Variants in PLPP7 observed in about 807,000 individuals in gnomAD.
PLPP7 encodes the protein inactive phospholipid phosphatase 7.
Under a neutral mutation model 16.9 loss-of-function variants are expected in PLPP7, and 11 were observed. The observed-to-expected ratio is 0.65, with a 90% CI of 0.41 to 1.08. PLPP7 has a LOEUF of 1.08. PLPP7 is among the 50% of genes least tolerant of loss of function. The pLI, the probability that PLPP7 is intolerant of heterozygous loss-of-function variation, is 0.00. For missense variants in PLPP7, 358 were observed against 397.1 expected (o/e 0.90, Z 0.84); for synonymous variants, 174 against 175.1 (o/e 0.99, Z 0.05).
rs1306894883 is a variant in PLPP7 at position 131,308,310 on chromosome 9, C to T, written c.*23C>T. 1 of 1,569,454 alleles carries T rather than the reference C, an allele frequency of 6.4e-7. No homozygotes were observed. The highest frequency in any genetic ancestry group is 1.2e-5 in the South Asian group (1 of 86,060). ...TGAAGCGCCCGCCGGCCCACACAAG[C>T]CTCTGGGGGCAGGGCTGGCCCTAGA... On this transcript the variant is annotated 3_prime_UTR_variant, in exon 2 of 2. Coordinates refer to ENST00000372264, the MANE Select transcript of PLPP7 (RefSeq NM_032728.4).
At chr9:131,299,008 C>T (rs1348223388) in intron 1 of PLPP7, among the ~76,000 whole-genome samples, 1 of 151,836 alleles carries the variant, frequency 6.6e-6, no homozygotes, top group African/African-American at 2.4e-5. Flanking sequence ...TGGACAAGCC[C>T]TGGTGTCCTC....
rs1439242927 is a variant in PLPP7, at chr9:131,295,795, A to G, written c.451+5347A>G. ...GCTGGCTGATTTCATTTAGCATGATATCCTCGAGGTCCATCCATGCTGTAG... is the reference window on the plus strand; with the variant it reads ...GCTGGCTGATTTCATTTAGCATGATGTCCTCGAGGTCCATCCATGCTGTAG... On this transcript the variant is annotated intron_variant, in intron 1 of 1. Coordinates refer to ENST00000372264, the MANE Select transcript of PLPP7 (RefSeq NM_032728.4). The surrounding 1 kb of genome is among the most constrained non-coding windows in gnomAD (Gnocchi z 4.0). Among the ~76,000 whole-genome samples, 3 of 152,026 alleles carry G rather than the reference A, an allele frequency of 2.0e-5. No homozygotes were observed. The highest frequency in any genetic ancestry group is 7.3e-5 in the African/African-American group (3 of 41,362).
rs2131217947 is a variant in PLPP7, at chr9:131,300,626, G to C, written c.452-7297G>C. Among the ~76,000 whole-genome samples the C allele has an allele frequency of 2.8e-5, 4 of 141,132 alleles. No individual in the cohort carries two copies. The Admixed American group carries it at 3.1e-4, about 11-fold the overall frequency. The allele number at this position is 141,132 out of a possible 152,430, so 92.6% of individuals were successfully genotyped here. A position where few individuals can be genotyped will look rare whatever the true frequency, so the allele number is the denominator to read the frequency against. On this transcript the variant is annotated intron_variant, in intron 1 of 1. Transcript: ENST00000372264. The stretch of plus-strand genomic sequence containing the variant: ...GAGCCCAAAAGTTCAAGGCTGCAAT[G>C]AACCATGTTTGCACCACTGTACTCC...
chr9:131,306,110 G>A (rs1267771751), intron 1 of PLPP7, among the ~76,000 whole-genome samples: 2 of 152,056 alleles, frequency 1.3e-5, no homozygotes, highest in Admixed American at 6.5e-5. Context: ...AGTGGCAGGC[G>A]CCTGTAGTCC....
intron 1 of PLPP7, among the ~76,000 whole-genome samples, chr9:131,297,544 C>A (rs1395840577): frequency 6.6e-6 from 1 of 152,132 alleles, no homozygotes; most frequent in Non-Finnish European, 1.5e-5. Context: ...TGCCACCACA[C>A]CTGGCTAATT....
chr9:131,303,357 C>T, intron 1 of PLPP7, among the ~76,000 whole-genome samples: 1 of 140,818 alleles, frequency 7.1e-6, no homozygotes, highest in South Asian at 2.3e-4. Flanking sequence ...AAAAAAAAAG[C>T]TGTGCTCTAT....
Position 131,290,084 on chromosome 9 carries a change from C to G in PLPP7, c.87C>G (p.Pro29=), listed in dbSNP as rs752753459. ...AGTTCCTGTCCCTGAACCAGCCCCC[C>G]AAGGGGGGCCCGGAGCCCCGCAGCT... The part of the protein sequence containing the change: ...RAEFLSLNQP[P]KGGPEPRSSG... Residue 29 remains proline (P), a synonymous_variant, in exon 1 of 2, where the codon CCC becomes CCG. Coordinates refer to ENST00000372264, the MANE Select transcript of PLPP7 (RefSeq NM_032728.4). The surrounding 1 kb of genome is among the most constrained non-coding windows in gnomAD (Gnocchi z 4.2). 1 of 1,510,478 alleles carries G rather than the reference C, an allele frequency of 6.6e-7. No individual in the cohort carries two copies. The highest frequency in any genetic ancestry group is 8.8e-7 in the Non-Finnish European group (1 of 1,130,770). The allele number at this position is 1,510,478 out of a possible 1,614,324, so 93.6% of individuals were successfully genotyped here.
intron 1 of PLPP7, among the ~76,000 whole-genome samples, chr9:131,292,632 C>A (rs1005372991): frequency 6.6e-6 from 1 of 152,164 alleles, no homozygotes; most frequent in Non-Finnish European, 1.5e-5. Context: ...AAGCTTCCAG[C>A]AGGGGGAGGA....
chr9:131,301,261 G>A (rs568780442), intron 1 of PLPP7, among the ~76,000 whole-genome samples: 23 of 152,122 alleles, frequency 1.5e-4, no homozygotes, highest in Non-Finnish European at 8.8e-5. Flanking sequence ...GAGCCACCGC[G>A]CTGGCCTCGA....
At chr9:131,299,622 C>T (rs1478531517) in intron 1 of PLPP7, among the ~76,000 whole-genome samples, 1 of 152,170 alleles carries the variant, frequency 6.6e-6, no homozygotes, top group Non-Finnish European at 1.5e-5. Context: ...GCCACTGCCT[C>T]TTCCATTCAC....
intron 1 of PLPP7, among the ~76,000 whole-genome samples, chr9:131,299,542 G>C (rs1010048582): frequency 6.6e-6 from 1 of 152,224 alleles, no homozygotes; most frequent in Non-Finnish European, 1.5e-5. Flanking sequence ...AGGGCAGAGT[G>C]GGGTGGGAGG....
chr9:131,290,156 T>A lies in PLPP7; in HGVS notation c.159T>A (p.Gly53=), dbSNP rs371436934. The part of the protein sequence containing the change: ...SGPSAQPPPA[G]DGARERRQSQ... ...CATCAGCACAGCCCCCACCTGCTGG[T>A]GACGGGGCCAGAGAGCGACGCCAGT... is the stretch of plus-strand genomic sequence containing the variant. The change falls in exon 1 of 2, where the codon GGT becomes GGA. Residue 53 remains glycine, a synonymous_variant. Transcript: ENST00000372264. The surrounding 1 kb of genome is among the most constrained non-coding windows in gnomAD (Gnocchi z 4.2). 1.9e-6 allele frequency: 3 copies of A among 1,576,114 alleles called. No homozygotes were observed. Among genetic ancestry groups the A allele is most frequent in the African/African-American group, 1.3e-5 (1 of 74,102 alleles).
intron 1 of PLPP7, among the ~76,000 whole-genome samples, chr9:131,300,862 C>T (rs1007540742): frequency 5.3e-5 from 8 of 152,156 alleles, no homozygotes; most frequent in East Asian, 1.9e-4. Context: ...GTGTACCCCC[C>T]GGGTGACTTA....
rs372928109 is a variant in PLPP7 at position 131,307,908 on chromosome 9, G to A, written c.452-15G>A. On this transcript the variant is annotated splice_polypyrimidine_tract_variant and intron_variant, in intron 1 of 1. Coordinates refer to ENST00000372264, the MANE Select transcript of PLPP7 (RefSeq NM_032728.4). ...TGGCCCTGATGGCCCAGGGGCCTCT[G>A]TCTCCCCCCAACAGCCCTGCTCCTG... 10 of 1,561,072 alleles carry A rather than the reference G, an allele frequency of 6.4e-6. No homozygotes were observed. The Admixed American group carries it at 1.6e-4, about 25-fold the overall frequency.
At chr9:131,305,771 G>A (rs2131220871) in intron 1 of PLPP7, among the ~76,000 whole-genome samples, 1 of 152,232 alleles carries the variant, frequency 6.6e-6, no homozygotes, top group Admixed American at 6.5e-5. Context: ...TGAAACTACA[G>A]GCGTATGCCA....
In PLPP7 at chr9:131,297,077, C is replaced by T. The variant is rs144216610; in HGVS notation, c.451+6629C>T. On this transcript the variant is annotated intron_variant, in intron 1 of 1. Coordinates refer to ENST00000372264, the MANE Select transcript of PLPP7 (RefSeq NM_032728.4). ...TCTCAGTGGGCCTCAGTGCAACAGT[C>T]AGTCCCTCAGGGGGGCCTTTGGCCA... 3.0e-3 allele frequency among the ~76,000 whole-genome samples: 462 copies of T among 152,376 alleles called. 1 individual carries two copies. Among genetic ancestry groups the T allele is most frequent in the African/African-American group, 0.011 (440 of 41,584 alleles).
intron 1 of PLPP7, among the ~76,000 whole-genome samples, chr9:131,293,971 C>T (rs1400928648): frequency 1.3e-5 from 2 of 152,166 alleles, no homozygotes; most frequent in African/African-American, 4.8e-5. Context: ...GACCTGGGTT[C>T]CACTTGGCTC....
intron 1 of PLPP7, among the ~76,000 whole-genome samples, chr9:131,297,703 AAAAATGTGCAC>A (rs778298231): frequency 2.0e-5 from 3 of 152,206 alleles, no homozygotes; most frequent in Non-Finnish European, 2.9e-5. Context: ...ATAACTTTTT[AAAAATGTGCAC>A]AAATAATGCG....
In PLPP7 at chr9:131,308,110, C is replaced by T. The variant is rs139237318; in HGVS notation, c.639C>T (p.Pro213=). ...TCAGCCACCTGGTGCTGGCGGTGCC[C>T]CTGCGTGTGCTGCTGGTGCTCTGGG... ...FFLSHLVLAV[P]LRVLLVLWAL... Residue 213 remains proline (P), a synonymous_variant, in exon 2 of 2, where the codon CCC becomes CCT. Transcript: ENST00000372264. 1.3e-3 allele frequency: 2,065 copies of T among 1,601,366 alleles called. 17 individuals carry two copies. The highest frequency in any genetic ancestry group is 8.4e-3 in the South Asian group (762 of 91,060).
Sources: gnomAD v4.1 joint callset for allele counts (sites outside exome capture counted in the v4.1 genomes callset) on GRCh38, gnomAD v4.1.1 for gene constraint, Gnocchi (gnomAD v3.1) non-coding constraint, MANE v1.5 for transcripts, NCBI Gene and HGNC (gene_info 2026-07-23, HGNC 2026-07-21) for gene names.